Variants in ARHGAP18 observed in about 807,000 individuals in gnomAD.
ARHGAP18 encodes rho GTPase-activating protein 18.
ARHGAP18 carries 67 observed loss-of-function variants against 86.2 expected under a neutral mutation model. The observed-to-expected ratio is 0.78, with a 90% CI of 0.64 to 0.95. The LOEUF (loss-of-function observed/expected upper bound fraction) is 0.95. Ranked by LOEUF, ARHGAP18 falls within the 40% of genes least tolerant of loss-of-function variation. The pLI is 0.00. For synonymous variants in ARHGAP18, 283 were observed against 280.4 expected (o/e 1.01, Z -0.09); for missense variants, 691 against 780.4 (o/e 0.89, Z 1.37).
At chr6:129,606,007 T>C (rs1788846461) in intron 9 of ARHGAP18, 48 bp from the exon 10 acceptor site, 1 of 1,549,852 alleles carries the variant, frequency 6.5e-7, no homozygotes, top group African/African-American at 1.4e-5. Context: ...AGTGAACATT[T>C]TCCTTTACTT....
intron 1 of ARHGAP18, among the ~76,000 whole-genome samples, chr6:129,663,496 T>C (rs1431824631): frequency 6.6e-6 from 1 of 152,192 alleles, no homozygotes; most frequent in African/African-American, 2.4e-5. Context: ...AATGTGAATA[T>C]GGCAGAACAG....
intron 1 of ARHGAP18, among the ~76,000 whole-genome samples, chr6:129,672,683 A>G (rs938840381): frequency 3.3e-5 from 5 of 152,172 alleles, no homozygotes; most frequent in Non-Finnish European, 2.9e-5. Flanking sequence ...ATAGGAAACA[A>G]CTTTGCTTTT....
At chr6:129,687,667 C>G (rs529760517) in intron 1 of ARHGAP18, among the ~76,000 whole-genome samples, 1 of 152,336 alleles carries the variant, frequency 6.6e-6, no homozygotes, top group African/African-American at 2.4e-5. Flanking sequence ...CTGTGTTGAC[C>G]ATCTCCCTCT....
intron 1 of ARHGAP18, among the ~76,000 whole-genome samples, chr6:129,692,861 C>G (rs2114548312): frequency 6.6e-6 from 1 of 152,232 alleles, no homozygotes; most frequent in African/African-American, 2.4e-5. Context: ...ATTTATAAAC[C>G]AAGAAAATCC....
At chr6:129,666,292 C>T (rs1218110186) in intron 1 of ARHGAP18, among the ~76,000 whole-genome samples, 1 of 152,208 alleles carries the variant, frequency 6.6e-6, no homozygotes, top group Non-Finnish European at 1.5e-5. Context: ...CTCCCCACAC[C>T]AGAATGAGCG....
At chr6:129,640,054 A>C (rs977912314) in intron 2 of ARHGAP18, among the ~76,000 whole-genome samples, 1 of 151,210 alleles carries the variant, frequency 6.6e-6, no homozygotes, top group South Asian at 2.1e-4. Context: ...AAAAAAAAAA[A>C]AAAAAAAAAA....
At chr6:129,607,820 G>T in intron 9 of ARHGAP18, 73 bp downstream of exon 9, 1 of 1,435,296 alleles carries the variant, frequency 7.0e-7, no homozygotes, top group Non-Finnish European at 9.2e-7. Flanking sequence ...TCTTTGTGAT[G>T]CCAAATGTCA....
rs1050371352 is a variant in ARHGAP18 at position 129,577,550 on chromosome 6, A to G, written c.*963T>C. Reference sequence around the variant, plus strand: ...AACACAAACAAAAGCTTTTTCACCCAGAAGAATAATTCTTCCAGTAGACTT... The same window carrying G: ...AACACAAACAAAAGCTTTTTCACCCGGAAGAATAATTCTTCCAGTAGACTT... On this transcript the variant is annotated 3_prime_UTR_variant, in exon 15 of 15. Coordinates refer to ENST00000368149, the MANE Select transcript of ARHGAP18 (RefSeq NM_033515.3). The G allele has an allele frequency of 2.0e-5, 3 of 152,110 alleles. No individual in the cohort carries two copies. The highest frequency in any genetic ancestry group is 4.4e-5 in the Non-Finnish European group (3 of 68,010). 9.4% of individuals were successfully genotyped at this position (152,110 alleles called of 1,614,324 possible). A position where few individuals can be genotyped will look rare whatever the true frequency, so the allele number is the denominator to read the frequency against.
chr6:129,615,783 C>T (rs1465856079), intron 7 of ARHGAP18, among the ~76,000 whole-genome samples: 1 of 152,142 alleles, frequency 6.6e-6, no homozygotes, highest in Non-Finnish European at 1.5e-5. Flanking sequence ...TCTAATTCTA[C>T]TTTATGGTTT....
At chr6:129,699,395 A>T (rs1043281589) in intron 1 of ARHGAP18, among the ~76,000 whole-genome samples, 1 of 152,214 alleles carries the variant, frequency 6.6e-6, no homozygotes, top group Non-Finnish European at 1.5e-5. Context: ...AGCAGAAAAA[A>T]ATCAGAACTT....
chr6:129,694,881 T>C lies in ARHGAP18; in HGVS notation c.113+15143A>G, dbSNP rs561454677. On this transcript the variant is annotated intron_variant, in intron 1 of 14. Transcript: ENST00000368149. ...CTTAAGTATTAAAAAGAAATATTCT[T>C]ACTATGGAAATACATTCACCAAGGT... is the stretch of plus-strand genomic sequence containing the variant. Among the ~76,000 whole-genome samples the C allele has an allele frequency of 2.0e-5, 3 of 152,338 alleles. No individual in the cohort carries two copies. In the East Asian group the frequency reaches 5.8e-4, roughly 29 times the overall value.
chr6:129,659,636 T>A (rs979392287), intron 1 of ARHGAP18, among the ~76,000 whole-genome samples: 1 of 152,100 alleles, frequency 6.6e-6, no homozygotes, highest in Non-Finnish European at 1.5e-5. Flanking sequence ...CCCTAGCTAA[T>A]CTTTTTTGTA....
At chr6:129,599,569 A>G in intron 11 of ARHGAP18, among the ~76,000 whole-genome samples, 1 of 152,160 alleles carries the variant, frequency 6.6e-6, no homozygotes, top group Non-Finnish European at 1.5e-5. Context: ...CACGTGGTAT[A>G]ATTTGCCACC....
intron 1 of ARHGAP18, among the ~76,000 whole-genome samples, chr6:129,706,548 T>C (rs890626740): frequency 4.6e-5 from 7 of 152,128 alleles, no homozygotes; most frequent in African/African-American, 1.7e-4. Context: ...CCAAAAATAT[T>C]AATTCCCTAC....
intron 5 of ARHGAP18, among the ~76,000 whole-genome samples, chr6:129,623,276 G>A (rs1789270951): frequency 6.6e-6 from 1 of 152,140 alleles, no homozygotes; most frequent in South Asian, 2.1e-4. Context: ...GCCTCAGCAT[G>A]TCAAGTTACC....
chr6:129,707,081 A>G (rs1181201069), intron 1 of ARHGAP18, among the ~76,000 whole-genome samples: 1 of 151,716 alleles, frequency 6.6e-6, no homozygotes, highest in Admixed American at 6.6e-5. Flanking sequence ...AAAAAATACA[A>G]AATTAGCCAG....
intron 1 of ARHGAP18, among the ~76,000 whole-genome samples, chr6:129,676,910 G>A (rs1423721698): frequency 1.3e-4 from 4 of 31,708 alleles, no homozygotes; most frequent in Admixed American, 3.9e-4. Flanking sequence ...AAAATTTTTT[G>A]TCCTCTTTTT....
chr6:129,619,556 G>A (rs1286104113), intron 5 of ARHGAP18, among the ~76,000 whole-genome samples: 2 of 102,460 alleles, frequency 2.0e-5, no homozygotes, highest in African/African-American at 4.0e-5. Flanking sequence ...AAAAGGAAGG[G>A]GAGTGGGCAA....
chr6:129,631,762 T>TAAA (rs386408589), intron 4 of ARHGAP18, among the ~76,000 whole-genome samples: 66 of 107,612 alleles, frequency 6.1e-4, no homozygotes, highest in African/African-American at 1.8e-3. Flanking sequence ...GCTTCTATTT[T>TAAA]AAAAAAAAAA....
Sources: allele counts gnomAD v4.1 joint callset (sites outside exome capture counted in the v4.1 genomes callset), GRCh38; gene constraint gnomAD v4.1.1; transcripts MANE v1.5; gene names NCBI Gene and HGNC (gene_info 2026-07-23, HGNC 2026-07-21).